Variants in ZCWPW2 observed in about 807,000 individuals in gnomAD.
The protein encoded by ZCWPW2 is zinc finger CW-type PWWP domain protein 2.
ZCWPW2 carries 45 observed loss-of-function variants against 46.6 expected under a neutral mutation model. The observed-to-expected ratio is 0.96, with a 90% confidence interval of 0.76 to 1.24. The LOEUF (loss-of-function observed/expected upper bound fraction) is 1.24, where lower values mean the gene tolerates loss of function less well. Among genes scored for constraint, ZCWPW2 ranks in the 50% most tolerant of loss-of-function variants. ZCWPW2 has a pLI of 0.00. For missense variants in ZCWPW2, 429 were observed against 403.9 expected (o/e 1.06, Z -0.53); for synonymous variants, 152 against 137.1 (o/e 1.11, Z -0.76).
intron 1 of ZCWPW2, 79 bp downstream of exon 1, chr3:28,349,282 C>G: frequency 2.3e-6 from 2 of 881,170 alleles, no homozygotes; most frequent in Non-Finnish European, 2.7e-6. Flanking sequence ...CTTTTTCACT[C>G]AGTGTCCTTT....
intron 1 of ZCWPW2, among the ~76,000 whole-genome samples, chr3:28,381,670 C>T: frequency 6.6e-6 from 1 of 152,082 alleles, no homozygotes; most frequent in East Asian, 1.9e-4. Flanking sequence ...GGCTGTACTC[C>T]TAGCTAGTCA....
rs540748350 is a variant in ZCWPW2, at chr3:28,400,984, C to A, written c.-14+10367C>A. Among the ~76,000 whole-genome samples, 11 of 152,142 alleles carry A rather than the reference C, an allele frequency of 7.2e-5. No homozygotes were observed. The South Asian group carries it at 2.1e-3, about 29-fold the overall frequency. On this transcript the variant is annotated intron_variant, in intron 2 of 9. Coordinates refer to ENST00000383768, the MANE Select transcript of ZCWPW2 (RefSeq NM_001040432.4). ...CACGAGGTCAGGAGATCAAGACCAT[C>A]CTGGCTAACATGGTGAAACCCCATC...
At chr3:28,515,075 T>G (rs1006851764) in intron 7 of ZCWPW2, among the ~76,000 whole-genome samples, 1 of 152,348 alleles carries the variant, frequency 6.6e-6, no homozygotes, top group Non-Finnish European at 1.5e-5. Context: ...AGTGACTTTC[T>G]CAAGACCTTA....
intron 2 of ZCWPW2, among the ~76,000 whole-genome samples, chr3:28,392,600 T>C (rs1191128126): frequency 1.3e-5 from 2 of 152,140 alleles, no homozygotes; most frequent in Non-Finnish European, 2.9e-5. Context: ...TTTAGGAAGA[T>C]TGAAATCATA....
chr3:28,492,398 A>G (rs1407789906), intron 6 of ZCWPW2, among the ~76,000 whole-genome samples: 2 of 152,124 alleles, frequency 1.3e-5, no homozygotes, highest in Non-Finnish European at 2.9e-5. Context: ...AGAACAATAG[A>G]GAACTATAAG....
At chr3:28,423,914 A>C (rs2125751049) in intron 3 of ZCWPW2, among the ~76,000 whole-genome samples, 1 of 151,760 alleles carries the variant, frequency 6.6e-6, no homozygotes, top group Admixed American at 6.6e-5. Context: ...GTTTGTGCCC[A>C]TTTGCTCCTA....
intron 4 of ZCWPW2, among the ~76,000 whole-genome samples, chr3:28,474,014 A>G (rs1431664686): frequency 1.3e-5 from 2 of 152,342 alleles, no homozygotes; most frequent in South Asian, 2.1e-4. Flanking sequence ...AAAAATAACT[A>G]AAGAGTATAA....
chr3:28,350,639 A>G (rs1314436166), intron 1 of ZCWPW2, among the ~76,000 whole-genome samples: 2 of 148,924 alleles, frequency 1.3e-5, no homozygotes, highest in East Asian at 1.9e-4. Context: ...CATTGGATTT[A>G]GCTGCAAATG....
At chr3:28,409,124 T>C (rs1696291581) in intron 2 of ZCWPW2, among the ~76,000 whole-genome samples, 2 of 15,410 alleles carry the variant, frequency 1.3e-4, no homozygotes, top group South Asian at 0.01. Context: ...TTCTTTTTCT[T>C]TTTTTTTTTT....
At chr3:28,470,042 T>C (rs1470692724) in intron 4 of ZCWPW2, among the ~76,000 whole-genome samples, 2 of 152,180 alleles carry the variant, frequency 1.3e-5, no homozygotes, top group Non-Finnish European at 2.9e-5. Context: ...AAACAAGTCT[T>C]AAAACATTCA....
At chr3:28,424,063 G>A (rs1224941937) in intron 3 of ZCWPW2, among the ~76,000 whole-genome samples, 2 of 152,042 alleles carry the variant, frequency 1.3e-5, no homozygotes, top group African/African-American at 4.8e-5. Flanking sequence ...CACCATTGCT[G>A]CTATCTTTCC....
At chr3:28,465,020 T>C (rs1189464867) in intron 4 of ZCWPW2, among the ~76,000 whole-genome samples, 1 of 152,240 alleles carries the variant, frequency 6.6e-6, no homozygotes, top group African/African-American at 2.4e-5. Flanking sequence ...CTTAATTATC[T>C]ATTTGATTGC....
At chr3:28,431,043 G>T (rs1049364513) in intron 3 of ZCWPW2, among the ~76,000 whole-genome samples, 2 of 152,018 alleles carry the variant, frequency 1.3e-5, no homozygotes, top group African/African-American at 4.8e-5. Context: ...TTATAACTTT[G>T]ATATCAATTG....
intron 4 of ZCWPW2, among the ~76,000 whole-genome samples, chr3:28,460,741 C>T (rs542044693): frequency 6.6e-6 from 1 of 152,242 alleles, no homozygotes; most frequent in East Asian, 1.9e-4. Flanking sequence ...TAAGTGAAAA[C>T]GATCTGCCCA....
intron 2 of ZCWPW2, among the ~76,000 whole-genome samples, chr3:28,405,699 C>T (rs1001875741): frequency 1.3e-5 from 2 of 152,078 alleles, no homozygotes; most frequent in Non-Finnish European, 1.5e-5. Flanking sequence ...TGGTCTCTAA[C>T]TCCTGACCGT....
At chr3:28,465,902 A>G (rs1698804311) in intron 4 of ZCWPW2, among the ~76,000 whole-genome samples, 1 of 152,212 alleles carries the variant, frequency 6.6e-6, no homozygotes, top group Non-Finnish European at 1.5e-5. Context: ...CATCATTCAC[A>G]ATAGCAAATA....
At chr3:28,448,483 A>G (rs1475184137) in intron 4 of ZCWPW2, among the ~76,000 whole-genome samples, 1 of 152,050 alleles carries the variant, frequency 6.6e-6, no homozygotes, top group Non-Finnish European at 1.5e-5. Flanking sequence ...GGAACTTACT[A>G]TAGTTAAGGT....
At chr3:28,438,418 C>A (rs748923160) in intron 4 of ZCWPW2, among the ~76,000 whole-genome samples, 9 of 152,100 alleles carry the variant, frequency 5.9e-5, no homozygotes, top group Non-Finnish European at 8.8e-5. Context: ...AAAGTGACTG[C>A]GCAGGCAGAG....
chr3:28,436,088 G>A lies in ZCWPW2; in HGVS notation c.492+819G>A, dbSNP rs541704384. On this transcript the variant is annotated intron_variant, in intron 4 of 9. Coordinates refer to ENST00000383768, the MANE Select transcript of ZCWPW2 (RefSeq NM_001040432.4). The stretch of plus-strand genomic sequence containing the variant: ...ATTAGATTAGTGTAAAAGTAACTGC[G>A]ATTTTGCTATTACTTTTGCACCAAC... Among the ~76,000 whole-genome samples, 462 of 152,010 alleles carry A rather than the reference G, an allele frequency of 3.0e-3. 6 individuals are homozygous for A. The highest frequency in any genetic ancestry group is 0.01 in the African/African-American group (435 of 41,490).
Sources: gnomAD v4.1 joint callset for allele counts (sites outside exome capture counted in the v4.1 genomes callset) on GRCh38, gnomAD v4.1.1 for gene constraint, MANE v1.5 for transcripts, NCBI Gene and HGNC (gene_info 2026-07-23, HGNC 2026-07-21) for gene names.